Variants in RGL4 observed in about 807,000 individuals in gnomAD.
RGL4 encodes ral-GDS-related protein.
In RGL4, 41 loss-of-function variants were observed where a neutral mutation model predicts 49.6. The observed-to-expected ratio is 0.83, with a 90% CI of 0.64 to 1.07. The LOEUF (loss-of-function observed/expected upper bound fraction) is 1.07, where lower values mean the gene tolerates loss of function less well. Ranked by LOEUF, RGL4 falls within the 50% of genes least tolerant of loss-of-function variation. The pLI is 0.00. For missense variants in RGL4, 610 were observed against 591.9 expected, an observed-to-expected ratio of 1.03 and a Z score of -0.32; for synonymous variants, 255 against 238.0, an observed-to-expected ratio of 1.07 and a Z score of -0.66.
intron 9 of RGL4, 127 bp from the exon 10 acceptor site, chr22:23,698,085 G>A: frequency 7.6e-7 from 1 of 1,320,020 alleles, no homozygotes. Context: ...CTGAGAACAG[G>A]CTGGGGGCGC....
chr22:23,695,505 G>T, intron 6 of RGL4: 1 of 519,304 alleles, frequency 1.9e-6, no homozygotes, highest in Non-Finnish European at 3.5e-6. Context: ...TGGGCAGGGG[G>T]CCTTGGCCTG....
intron 5 of RGL4, 94 bp from the exon 6 acceptor site, chr22:23,694,856 C>G (rs1923378904): frequency 8.2e-6 from 8 of 972,514 alleles, no homozygotes; most frequent in Non-Finnish European, 1.3e-5. Context: ...ACCCAGTAAG[C>G]TGGGATTCAC....
Position 23,697,170 on chromosome 22 carries a change from G to A in RGL4, c.1162-1G>A. ...CACCTCCCCACCCCTCCTTGGCACA[G>A]GGTGTGGTCCCCTTCCTGGGGGATT... On this transcript the variant is annotated splice_acceptor_variant, in intron 7 of 10. Transcript: ENST00000290691. LOFTEE classifies it high-confidence loss of function. 1 of 1,611,872 alleles carries A rather than the reference G, an allele frequency of 6.2e-7. No individual in the cohort carries two copies. Among genetic ancestry groups the A allele is most frequent in the Non-Finnish European group, 8.5e-7 (1 of 1,178,530 alleles).
intron 4 of RGL4, 135 bp downstream of exon 4, chr22:23,694,109 C>A: frequency 2.4e-6 from 2 of 828,368 alleles, no homozygotes; most frequent in South Asian, 1.6e-5. Flanking sequence ...CTTGCCAGAG[C>A]TTCACTCACC....
intron 7 of RGL4, 106 bp from the exon 8 acceptor site, chr22:23,697,065 A>G: frequency 3.5e-6 from 3 of 857,796 alleles, no homozygotes; most frequent in Admixed American, 2.3e-5. Context: ...GGGCTCTGGG[A>G]GACAGGGGCT....
At chr22:23,698,426 G>C (rs1246861542) in intron 10 of RGL4, 93 bp downstream of exon 10, 1 of 1,431,812 alleles carries the variant, frequency 7.0e-7, no homozygotes, top group Admixed American at 1.7e-5. Context: ...CTGCACTGCA[G>C]TGTCACCATC....
At chr22:23,698,654 C>A in intron 10 of RGL4, 190 bp from the exon 11 acceptor site, 1 of 783,142 alleles carries the variant, frequency 1.3e-6, no homozygotes, top group Non-Finnish European at 2.1e-6. Flanking sequence ...AGGTGTGAGC[C>A]ACCCCACCTG....
rs140180434 is a variant in RGL4, at chr22:23,692,135, A to G, written c.105A>G (p.Pro35=). The G allele has an allele frequency of 1.3e-4, 209 of 1,614,190 alleles. 1 individual carries two copies. The African/African-American group carries it at 2.2e-3, about 17-fold the overall frequency. The change falls in exon 1 of 11, where the codon CCA becomes CCG. Residue 35 remains proline, a synonymous_variant. Transcript: ENST00000290691. ...GGGAAGAGAATGTCTGTGGGACGCC[A>G]GGGCGCACGAGGGTCTGTACAGCCC... The part of the protein sequence containing the change: ...GLWEENVCGT[P]GRTRVCTALL...
At chr22:23,697,348 T>G in intron 8 of RGL4, 103 bp downstream of exon 8, 1 of 882,806 alleles carries the variant, frequency 1.1e-6, no homozygotes, top group Non-Finnish European at 1.8e-6. Flanking sequence ...GCAAACCTCC[T>G]CTCCTAAGAG....
rs1923133035 is a variant in RGL4, at chr22:23,691,456, C to T, written c.-575C>T. On this transcript the variant is annotated 5_prime_UTR_variant, in exon 1 of 11. Transcript: ENST00000290691. ...ACTCATTCAACACATACATTCAAAACACCTCATTTGTGCATCGCTCTTCTT... is the reference window on the plus strand; with the variant it reads ...ACTCATTCAACACATACATTCAAAATACCTCATTTGTGCATCGCTCTTCTT... 6.5e-6 allele frequency: 1 copy of T among 152,930 alleles called. No individual in the cohort carries two copies. The highest frequency in any genetic ancestry group is 1.5e-5 in the Non-Finnish European group (1 of 68,572). The allele number at this position is 152,930 out of a possible 1,614,324, so 9.5% of individuals were successfully genotyped here.
intron 6 of RGL4, chr22:23,695,442 CTG>C (rs1923426861): frequency 9.5e-6 from 1 of 105,530 alleles, no homozygotes; most frequent in East Asian, 2.5e-4. Context: ...CAGGCCTCTG[CTG>C]CTGCTGCTGC....
At position 23,698,906 on chromosome 22, in the gene RGL4, T is replaced by C. The variant is rs1458024241; in HGVS notation, c.*23T>C. ...TAGGCTGGCAACATCCTGCAGTGGCTGGGAACCCACCGGGATGCTGGCCAG... is the reference window on the plus strand; with the variant it reads ...TAGGCTGGCAACATCCTGCAGTGGCCGGGAACCCACCGGGATGCTGGCCAG... On this transcript the variant is annotated 3_prime_UTR_variant, in exon 11 of 11. Coordinates refer to ENST00000290691, the MANE Select transcript of RGL4 (RefSeq NM_153615.2). The C allele has an allele frequency of 6.2e-7, 1 of 1,611,678 alleles. No homozygotes were observed. Among genetic ancestry groups the C allele is most frequent in the Non-Finnish European group, 8.5e-7 (1 of 1,179,028 alleles).
chr22:23,694,110 T>C (rs1021957944), intron 4 of RGL4, 136 bp downstream of exon 4: 10 of 829,494 alleles, frequency 1.2e-5, no homozygotes, highest in Non-Finnish European at 1.5e-5. Flanking sequence ...TTGCCAGAGC[T>C]TCACTCACCT....
In RGL4 at chr22:23,692,679, A is replaced by C; in HGVS notation, c.384A>C (p.Pro128=). The C allele has an allele frequency of 1.3e-6, 2 of 1,595,990 alleles. No individual in the cohort carries two copies. Among genetic ancestry groups the C allele is most frequent in the Non-Finnish European group, 1.7e-6 (2 of 1,168,198 alleles). ...PNEAKPDDPA[P]RPGQHALTMP... is the part of the protein sequence containing the mutation. ...TTTCTCCTTTTCCAGATCCTGCTCC[A>C]CGTCCTGGGCAACACGCATTAACAA... is the stretch of plus-strand genomic sequence containing the variant. Residue 128 remains proline (P), a synonymous_variant, in exon 3 of 11, where the codon CCA becomes CCC. Coordinates refer to ENST00000290691, the MANE Select transcript of RGL4 (RefSeq NM_153615.2).
At chr22:23,694,326 A>T in intron 4 of RGL4, 21 bp from the exon 5 acceptor site, 1 of 1,573,398 alleles carries the variant, frequency 6.4e-7, no homozygotes, top group Non-Finnish European at 8.7e-7. Flanking sequence ...TGAACCGCAC[A>T]GCTCATTCTT....
intron 3 of RGL4, chr22:23,693,323 AT>A: frequency 2.2e-6 from 1 of 448,020 alleles, no homozygotes. Flanking sequence ...CTCAGCACTT[AT>A]TAGGTACCTG....
intron 5 of RGL4, 21 bp from the exon 6 acceptor site, chr22:23,694,928 TC>T (rs1569119613): frequency 6.2e-7 from 1 of 1,603,916 alleles, no homozygotes; most frequent in Non-Finnish European, 8.5e-7. Context: ...AATTTACCCT[TC>T]TTTCTTTCCT....
intron 2 of RGL4, 57 bp from the exon 3 acceptor site, chr22:23,692,612 G>A (rs1253285884): frequency 6.4e-7 from 1 of 1,574,656 alleles, no homozygotes; most frequent in Non-Finnish European, 8.6e-7. Context: ...GGTCATTTCT[G>A]TGCTTGGAAA....
chr22:23,694,747 C>T (rs112910329), intron 5 of RGL4: 7 of 606,582 alleles, frequency 1.2e-5, no homozygotes, highest in African/African-American at 7.4e-5. Context: ...CACGCAGTGG[C>T]TCATGTGAAG....
Sources: allele counts gnomAD v4.1 joint callset, GRCh38; gene constraint gnomAD v4.1.1; transcripts MANE v1.5; gene names NCBI Gene and HGNC (gene_info 2026-07-23, HGNC 2026-07-21).